The following B3GNT6 variants were observed in gnomAD, a reference collection of about 807,000 sequenced individuals.
The protein encoded by B3GNT6 is acetylgalactosaminyl-O-glycosyl-glycoprotein beta-1,3-N-acetylglucosaminyltransferase.
For missense variants in B3GNT6, 624 were observed against 568.6 expected (o/e 1.10, Z -0.99); for synonymous variants, 300 against 270.0 (o/e 1.11, Z -1.09).
At position 77,040,533 on chromosome 11, in the gene B3GNT6, G is replaced by A. The variant is rs782502339; in HGVS notation, c.982G>A (p.Gly328Ser). ...RAGLAPSGHE[G>S]IRPFGVQLPG... Reference sequence around the variant, plus strand: ...CGGCCTGGCGCCCAGCGGCCACGAGGGCATCCGACCCTTCGGCGTGCAGCT... The same window carrying A: ...CGGCCTGGCGCCCAGCGGCCACGAGAGCATCCGACCCTTCGGCGTGCAGCT... The change falls in exon 2 of 2, where the codon GGC becomes AGC. Residue 328 changes from glycine to serine, a missense_variant. Transcript: ENST00000622824. The A allele has an allele frequency of 3.8e-6, 6 of 1,567,910 alleles. No individual in the cohort carries two copies. In the African/African-American group the frequency reaches 4.1e-5, roughly 11 times the overall value.
In B3GNT6 at chr11:77,040,565, C is replaced by A. The variant is rs782156666; in HGVS notation, c.1014C>A (p.Gly338=). Residue 338 remains glycine, a synonymous_variant, in exon 2 of 2, where the codon GGC becomes GGA. Transcript: ENST00000622824. ...GACCCTTCGGCGTGCAGCTGCCTGGCGCACAGCAGTCCTCCTTCGACCCCT... is the reference window on the plus strand; with the variant it reads ...GACCCTTCGGCGTGCAGCTGCCTGGAGCACAGCAGTCCTCCTTCGACCCCT... The part of the protein sequence containing the change: ...GIRPFGVQLP[G]AQQSSFDPCM... 4 of 1,586,576 alleles carry A rather than the reference C, an allele frequency of 2.5e-6. No individual in the cohort carries two copies. The highest frequency in any genetic ancestry group is 1.7e-5 in the Admixed American group (1 of 58,428).
At position 77,041,176 on chromosome 11, in the gene B3GNT6, G is replaced by T; in HGVS notation, c.*470G>T. ...TGTGATTTCCACTGTTTACAAGTGAGTGGAGCTGGAGCTGGGCTGACAGTA... is the reference window on the plus strand; with the variant it reads ...TGTGATTTCCACTGTTTACAAGTGATTGGAGCTGGAGCTGGGCTGACAGTA... On this transcript the variant is annotated 3_prime_UTR_variant, in exon 2 of 2. Transcript: ENST00000622824. The T allele has an allele frequency of 6.3e-6, 1 of 157,740 alleles. No individual in the cohort carries two copies. The highest frequency in any genetic ancestry group is 1.4e-5 in the Non-Finnish European group (1 of 72,020). 9.8% of individuals were successfully genotyped at this position (157,740 alleles called of 1,614,324 possible).
At chr11:77,035,894 TTTA>T (rs1236676989) in intron 1 of B3GNT6, among the ~76,000 whole-genome samples, 2 of 152,232 alleles carry the variant, frequency 1.3e-5, no homozygotes, top group African/African-American at 4.8e-5. Context: ...TGAAACAAGA[TTTA>T]TTGTTACATT....
chr11:77,039,959 C>G lies in B3GNT6; in HGVS notation c.408C>G (p.Ile136Met). The G allele has an allele frequency of 5.7e-6, 9 of 1,591,208 alleles. No individual in the cohort carries two copies. The highest frequency in any genetic ancestry group is 3.3e-4 in the Middle Eastern group (2 of 6,008). Residue 136 changes from isoleucine to methionine, a missense_variant, in exon 2 of 2, where the codon ATC (isoleucine) becomes ATG (methionine). By Grantham distance (10) the Ile-to-Met change is conservative (BLOSUM62 1). Transcript: ENST00000622824. ...AGCACTACGAGCGACGCGAGCTCAT[C>G]CGGCGCACGTGGGGGCAAGAGCGCA... is the stretch of plus-strand genomic sequence containing the variant. ...APEHYERREL[I>M]RRTWGQERSY...
Position 77,039,658 on chromosome 11 carries a change from C to G in B3GNT6, c.107C>G (p.Ser36Cys), listed in dbSNP as rs1555027409. ...LQQWFLQAPR[S>C]PREERSPQEE... ...CAGTGGTTCCTCCAGGCGCCAAGGT[C>G]CCCGCGGGAGGAGAGGTCCCCGCAG... Residue 36 changes from serine to cysteine, a missense_variant, in exon 2 of 2, where the codon TCC becomes TGC. Ser to Cys is a moderately radical substitution (Grantham distance 112, BLOSUM62 -1). Transcript: ENST00000622824. The G allele has an allele frequency of 6.2e-7, 1 of 1,612,968 alleles. No homozygotes were observed. The highest frequency in any genetic ancestry group is 2.2e-5 in the East Asian group (1 of 44,796).
At position 77,040,786 on chromosome 11, in the gene B3GNT6, C is replaced by G. The variant is rs1029993928; in HGVS notation, c.*80C>G. On this transcript the variant is annotated 3_prime_UTR_variant, in exon 2 of 2. Transcript: ENST00000622824. ...CAGCTTTCCCGCTCTGGGTACCTTA[C>G]GTCCTGCCCAGCTCTGTGCACCTGA... 3 of 1,460,888 alleles carry G rather than the reference C, an allele frequency of 2.1e-6. No individual in the cohort carries two copies. The highest frequency in any genetic ancestry group is 1.4e-5 in the South Asian group (1 of 70,336). The allele number at this position is 1,460,888 out of a possible 1,614,324, so 90.5% of individuals were successfully genotyped here.
rs781987873 is a variant in B3GNT6, at chr11:77,040,509, G to T, written c.958G>T (p.Gly320Cys). 6.5e-7 allele frequency: 1 copy of T among 1,549,764 alleles called. No homozygotes were observed. The change falls in exon 2 of 2, where the codon GGC becomes TGC. Residue 320 changes from glycine (G) to cysteine (C), a missense_variant. Physicochemically the swap from Gly to Cys is radical, Grantham distance 159 (BLOSUM62 -3). Transcript: ENST00000622824. The stretch of plus-strand genomic sequence containing the variant: ...CATGGGCATGTGTCTGGAGCGCGCC[G>T]GCCTGGCGCCCAGCGGCCACGAGGG... ...AYMGMCLERA[G>C]LAPSGHEGIR...
In B3GNT6 at chr11:77,040,173, C is replaced by G. The variant is rs782775018; in HGVS notation, c.622C>G (p.Leu208Val). 10 of 1,599,396 alleles carry G rather than the reference C, an allele frequency of 6.3e-6. No homozygotes were observed. The South Asian group carries it at 1.1e-4, about 18-fold the overall frequency. Reference sequence around the variant, plus strand: ...CAAGCACCTGCACTTGCTCGACTGGCTGGCTGCACGCTGCCCGCACGCGCG... The same window carrying G: ...CAAGCACCTGCACTTGCTCGACTGGGTGGCTGCACGCTGCCCGCACGCGCG... ...TLKHLHLLDW[L>V]AARCPHARFL... is the part of the protein sequence containing the mutation. The change falls in exon 2 of 2, where the codon CTG becomes GTG. Residue 208 changes from leucine to valine, a missense_variant. Coordinates refer to ENST00000622824, the MANE Select transcript of B3GNT6 (RefSeq NM_138706.5).
At chr11:77,035,506 A>AAACTTGCTACTCAACAGCCATGAC (rs1338386898) in intron 1 of B3GNT6, among the ~76,000 whole-genome samples, 1 of 152,242 alleles carries the variant, frequency 6.6e-6, no homozygotes, top group Non-Finnish European at 1.5e-5. Context: ...CCTCTTTACC[A>AAACTTGCTACTCAACAGCCATGAC]AACTTGCTAC....
Position 77,040,760 on chromosome 11 carries a change from G to C in B3GNT6, c.*54G>C. 6.7e-7 allele frequency: 1 copy of C among 1,503,220 alleles called. No homozygotes were observed. Among genetic ancestry groups the C allele is most frequent in the African/African-American group, 1.4e-5 (1 of 71,888 alleles). The allele number at this position is 1,503,220 out of a possible 1,614,324, so 93.1% of individuals were successfully genotyped here. ...CTCCAACCATGTCCATGCTGAGAAG[G>C]CAGCTTTCCCGCTCTGGGTACCTTA... is the stretch of plus-strand genomic sequence containing the variant. On this transcript the variant is annotated 3_prime_UTR_variant, in exon 2 of 2. Coordinates refer to ENST00000622824, the MANE Select transcript of B3GNT6 (RefSeq NM_138706.5).
chr11:77,039,982 G>T lies in B3GNT6; in HGVS notation c.431G>T (p.Arg144Leu), dbSNP rs1404965912. 3 of 1,587,320 alleles carry T rather than the reference G, an allele frequency of 1.9e-6. No homozygotes were observed. Among genetic ancestry groups the T allele is most frequent in the Non-Finnish European group, 2.6e-6 (3 of 1,174,670 alleles). ...ATCCGGCGCACGTGGGGGCAAGAGC[G>T]CAGCTACGGCGGGCGGCCAGTGCGC... The part of the protein sequence containing the change: ...ELIRRTWGQE[R>L]SYGGRPVRRL... Residue 144 changes from arginine (R) to leucine (L), a missense_variant, in exon 2 of 2, where the codon CGC (arginine) becomes CTC (leucine). Physicochemically the swap from Arg to Leu is moderately radical, Grantham distance 102 (BLOSUM62 -2). Transcript: ENST00000622824.
Position 77,039,673 on chromosome 11 carries a change from G to C in B3GNT6, c.122G>C (p.Arg41Thr), listed in dbSNP as rs1555027414. ...LQAPRSPREERSPQEETPEGP... is the reference protein window; with the variant it reads ...LQAPRSPREETSPQEETPEGP... ...GCGCCAAGGTCCCCGCGGGAGGAGA[G>C]GTCCCCGCAGGAGGAGACGCCAGAG... The change falls in exon 2 of 2, where the codon AGG becomes ACG. Residue 41 changes from arginine (R) to threonine (T), a missense_variant. Transcript: ENST00000622824. The C allele has an allele frequency of 1.9e-6, 3 of 1,612,710 alleles. No individual in the cohort carries two copies. The South Asian group carries it at 3.3e-5, about 18-fold the overall frequency.
chr11:77,035,025 G>T (rs933541196), intron 1 of B3GNT6, among the ~76,000 whole-genome samples: 14 of 152,180 alleles, frequency 9.2e-5, no homozygotes, highest in African/African-American at 3.4e-4. Flanking sequence ...TGGGCATGGG[G>T]GTGGACGCCT....
chr11:77,034,805 A>G (rs1235857075), intron 1 of B3GNT6, among the ~76,000 whole-genome samples: 1 of 152,218 alleles, frequency 6.6e-6, no homozygotes, highest in African/African-American at 2.4e-5. Context: ...TGTTCCAGCT[A>G]GCTATCTCAG....
rs781990020 is a variant in B3GNT6, at chr11:77,040,078, C to A, written c.527C>A (p.Ala176Glu). 37 of 1,581,418 alleles carry A rather than the reference C, an allele frequency of 2.3e-5. No homozygotes were observed. Among genetic ancestry groups the A allele is most frequent in the African/African-American group, 1.5e-4 (11 of 73,826 alleles). Residue 176 changes from alanine to glutamate, a missense_variant, in exon 2 of 2, where the codon GCG becomes GAG. Ala to Glu is a moderately radical substitution (Grantham distance 107, BLOSUM62 -1). Transcript: ENST00000622824. ...ARAERLAELV[A>E]LEAREHGDVL... ...GCGGAGCGGCTGGCGGAGCTGGTGG[C>A]GCTGGAGGCGCGCGAGCACGGCGAC...
At chr11:77,037,810 G>C (rs1021741712) in intron 1 of B3GNT6, among the ~76,000 whole-genome samples, 18 of 147,856 alleles carry the variant, frequency 1.2e-4, no homozygotes, top group Admixed American at 8.2e-4. Flanking sequence ...CTATTTGGGA[G>C]GCTGAGGTGG....
At position 77,040,745 on chromosome 11, in the gene B3GNT6, G is replaced by A. The variant is rs782020562; in HGVS notation, c.*39G>A. 6.6e-7 allele frequency: 1 copy of A among 1,520,134 alleles called. No homozygotes were observed. The highest frequency in any genetic ancestry group is 2.0e-5 in the Admixed American group (1 of 49,996). The allele number at this position is 1,520,134 out of a possible 1,614,324, so 94.2% of individuals were successfully genotyped here. ...GCTTCAGCCCCGGGCCTCCAACCAT[G>A]TCCATGCTGAGAAGGCAGCTTTCCC... On this transcript the variant is annotated 3_prime_UTR_variant, in exon 2 of 2. Coordinates refer to ENST00000622824, the MANE Select transcript of B3GNT6 (RefSeq NM_138706.5).
intron 1 of B3GNT6, among the ~76,000 whole-genome samples, chr11:77,039,067 G>A (rs1949661583): frequency 6.6e-6 from 1 of 152,192 alleles, no homozygotes; most frequent in South Asian, 2.1e-4. Flanking sequence ...GGGAGGCAAC[G>A]AGGGGAAGTG....
At chr11:77,039,493 G>C in intron 1 of B3GNT6, 59 bp from the exon 2 acceptor site, 1 of 1,521,972 alleles carries the variant, frequency 6.6e-7, no homozygotes, top group Non-Finnish European at 8.8e-7. Context: ...GGTACGGGTG[G>C]TGTCCTGCCG....
Sources: allele counts gnomAD v4.1 joint callset (sites outside exome capture counted in the v4.1 genomes callset), GRCh38; gene constraint gnomAD v4.1.1; transcripts MANE v1.5; gene names NCBI Gene and HGNC (gene_info 2026-07-23, HGNC 2026-07-21).